ZNF69: variants seen among roughly 807,000 people sequenced by gnomAD.
The protein encoded by ZNF69 is zinc finger protein 69.
ZNF69 carries 47 observed loss-of-function variants against 50.9 expected under a neutral mutation model. The observed-to-expected ratio is 0.92, with a 90% CI of 0.73 to 1.18. ZNF69 has a LOEUF of 1.18. ZNF69 is among the 50% of genes most tolerant of loss of function. The pLI is 0.00. For missense variants in ZNF69, 717 were observed against 675.1 expected, an observed-to-expected ratio of 1.06 and a Z score of -0.69; for synonymous variants, 216 against 223.1, an observed-to-expected ratio of 0.97 and a Z score of 0.29.
chr19:11,974,127 T>TTC, the ZNF69 span, among the ~76,000 whole-genome samples: 1 of 31,990 alleles, frequency 3.1e-5, no homozygotes, highest in Non-Finnish European at 7.6e-5. Flanking sequence ...CTTTCTTTCT[T>TTC]TTCTTTCTTT....
chr19:11,967,564 C>T, the ZNF69 span, among the ~76,000 whole-genome samples: 3 of 152,034 alleles, frequency 2.0e-5, no homozygotes, highest in Non-Finnish European at 4.4e-5. Flanking sequence ...CCACCACGCT[C>T]GGCTAATTTT....
chr19:11,908,287 T>C (rs1013743074), downstream of ZNF69, among the ~76,000 whole-genome samples: 6 of 152,118 alleles, frequency 3.9e-5, no homozygotes, highest in African/African-American at 1.2e-4. Context: ...AACAAGGATA[T>C]ACAGGAATTG....
the ZNF69 span, chr19:11,950,135 A>G: frequency 1.2e-6 from 2 of 1,614,068 alleles, no homozygotes; most frequent in East Asian, 2.2e-5. Context: ...GAGAAACACT[A>G]TGAATGTAAG....
intron 1 of ZNF69, among the ~76,000 whole-genome samples, chr19:11,894,575 A>G (rs886422362): frequency 2.6e-5 from 4 of 151,964 alleles, no homozygotes; most frequent in African/African-American, 9.7e-5. Flanking sequence ...TAATATTCCC[A>G]CAGCTGCCAT....
the ZNF69 span, among the ~76,000 whole-genome samples, chr19:11,964,599 T>C: frequency 7.2e-5 from 11 of 152,146 alleles, no homozygotes; most frequent in East Asian, 1.2e-3. Context: ...CATGCCTCAT[T>C]CCCAATTCCG....
chr19:11,894,181 T>G (rs1286325038), intron 1 of ZNF69, among the ~76,000 whole-genome samples: 2 of 152,218 alleles, frequency 1.3e-5, no homozygotes, highest in Admixed American at 6.5e-5. Context: ...AGAGATCTTT[T>G]TTTTTTGAGA....
Position 11,906,472 on chromosome 19 carries a change from G to A in ZNF69, c.*374G>A, listed in dbSNP as rs564095761. Among the ~76,000 whole-genome samples, 143 of 152,266 alleles carry A rather than the reference G, an allele frequency of 9.4e-4. No homozygotes were observed. Among genetic ancestry groups the A allele is most frequent in the African/African-American group, 3.2e-3 (132 of 41,566 alleles). ...ATACGGCCGTGTGCCCCTCTGTGAC[G>A]AAGCTTCCAGAGGAAGGATCAGGCA... On this transcript the variant is annotated 3_prime_UTR_variant, in exon 4 of 4. Coordinates refer to ENST00000429654, the MANE Select transcript of ZNF69 (RefSeq NM_001364730.1).
chr19:11,936,756 C>T, the ZNF69 span, among the ~76,000 whole-genome samples: 2,298 of 152,218 alleles, frequency 0.015, 44 homozygotes, highest in African/African-American at 0.05. Flanking sequence ...GTCATGAAGT[C>T]CTTGCCCATG....
the ZNF69 span, chr19:11,947,234 A>T: frequency 6.2e-7 from 1 of 1,614,094 alleles, no homozygotes; most frequent in South Asian, 1.1e-5. Context: ...AAGAGTGGAC[A>T]TTGCTGGATA....
Position 11,897,285 on chromosome 19 carries a change from G to A in ZNF69, c.64-6288G>A, listed in dbSNP as rs1972143179. Among the ~76,000 whole-genome samples, 2 of 152,084 alleles carry A rather than the reference G, an allele frequency of 1.3e-5. 1 individual carries two copies. Among genetic ancestry groups the A allele is most frequent in the South Asian group, 4.1e-4 (2 of 4,832 alleles). On this transcript the variant is annotated intron_variant, in intron 1 of 3. Transcript: ENST00000429654. ...TCACTTGAACCTGGGAGGCCAAGGTGGCGGTGAGCCAAGATCACGCCATTG... is the reference window on the plus strand; with the variant it reads ...TCACTTGAACCTGGGAGGCCAAGGTAGCGGTGAGCCAAGATCACGCCATTG...
the ZNF69 span, among the ~76,000 whole-genome samples, chr19:11,936,933 A>G: frequency 6.6e-6 from 1 of 152,184 alleles, no homozygotes; most frequent in Non-Finnish European, 1.5e-5. Flanking sequence ...AGCACCATTT[A>G]TTAAATAGGG....
chr19:11,894,239 G>C (rs7247828), intron 1 of ZNF69, among the ~76,000 whole-genome samples: 27,936 of 151,936 alleles, frequency 0.18, 3,425 homozygotes, highest in Non-Finnish European at 0.27. Flanking sequence ...GCACGACCTC[G>C]GCTCACTGCA....
At chr19:11,958,818 T>C in the ZNF69 span, among the ~76,000 whole-genome samples, 1 of 152,194 alleles carries the variant, frequency 6.6e-6, no homozygotes, top group Non-Finnish European at 1.5e-5. Flanking sequence ...TTTTATAGAA[T>C]CTTGCTACCA....
chr19:11,976,801 C>T, the ZNF69 span: 1 of 1,215,698 alleles, frequency 8.2e-7, no homozygotes. Context: ...CGGTCATGAG[C>T]CAAGATCGCA....
At chr19:11,928,704 C>T in the ZNF69 span, among the ~76,000 whole-genome samples, 1 of 141,402 alleles carries the variant, frequency 7.1e-6, no homozygotes, top group Admixed American at 6.9e-5. Context: ...TGCATTCCAG[C>T]CTGGGCGACA....
At chr19:11,930,596 A>G in the ZNF69 span, among the ~76,000 whole-genome samples, 1 of 148,720 alleles carries the variant, frequency 6.7e-6, no homozygotes. Flanking sequence ...CAGGTAGTGG[A>G]TTGATTATTC....
the ZNF69 span, among the ~76,000 whole-genome samples, chr19:11,971,549 G>GA: frequency 1.3e-5 from 2 of 151,794 alleles, no homozygotes; most frequent in African/African-American, 4.8e-5. Flanking sequence ...TAATTTTAGT[G>GA]AAAAAAACAA....
the ZNF69 span, chr19:11,925,403 G>C: frequency 2.1e-6 from 3 of 1,426,076 alleles, no homozygotes; most frequent in South Asian, 3.8e-5. Context: ...TCCTTGAGCA[G>C]TTCGGCCCTC....
downstream of ZNF69, among the ~76,000 whole-genome samples, chr19:11,919,090 T>G (rs1470642484): frequency 2.0e-5 from 3 of 151,972 alleles, no homozygotes; most frequent in African/African-American, 2.4e-5. Context: ...AGAGACGGGG[T>G]TTCATCGTGT....
Sources: gnomAD v4.1 joint callset for allele counts (sites outside exome capture counted in the v4.1 genomes callset) on GRCh38, gnomAD v4.1.1 for gene constraint, MANE v1.5 for transcripts, NCBI Gene and HGNC (gene_info 2026-07-23, HGNC 2026-07-21) for gene names.